The following DOCK3 variants were observed in gnomAD, a reference collection of about 807,000 sequenced individuals.
DOCK3 encodes dedicator of cytokinesis protein 3.
In DOCK3, 60 loss-of-function variants were observed where a neutral mutation model predicts 265.6. The ratio of observed to expected loss-of-function variants is 0.23; its 90% CI spans 0.18 to 0.28. DOCK3 has a LOEUF of 0.28. Among genes scored for constraint, DOCK3 ranks in the 10% least tolerant of loss-of-function variants. DOCK3 has a pLI of 1.00. For missense variants in DOCK3, 1,981 were observed against 2,594.3 expected (o/e 0.76, Z 5.14); for synonymous variants, 881 against 938.0 (o/e 0.94, Z 1.11).
intron 5 of DOCK3, among the ~76,000 whole-genome samples, chr3:51,018,501 C>T (rs1277786342): frequency 5.3e-5 from 8 of 149,914 alleles, no homozygotes; most frequent in Non-Finnish European, 1.2e-4. Flanking sequence ...AGCTAACTGG[C>T]CATTTGGGTA....
intron 12 of DOCK3, among the ~76,000 whole-genome samples, chr3:51,182,143 A>C (rs566273921): frequency 2.6e-5 from 4 of 152,296 alleles, no homozygotes; most frequent in African/African-American, 9.6e-5. Flanking sequence ...TAGCATAGTT[A>C]AAGGTACAGA....
chr3:50,967,065 T>C (rs1219656723), intron 5 of DOCK3, among the ~76,000 whole-genome samples: 3 of 152,184 alleles, frequency 2.0e-5, no homozygotes, highest in Non-Finnish European at 4.4e-5. Flanking sequence ...CTTCTAGCTA[T>C]TTTGAAATAT....
chr3:50,908,630 C>T (rs1256834351), intron 4 of DOCK3, among the ~76,000 whole-genome samples: 3 of 152,066 alleles, frequency 2.0e-5, no homozygotes, highest in Non-Finnish European at 4.4e-5. Flanking sequence ...GTGTGTTTTA[C>T]TTCTGATTAT....
intron 9 of DOCK3, among the ~76,000 whole-genome samples, chr3:51,145,882 TA>T (rs1485294497): frequency 6.6e-6 from 1 of 152,174 alleles, no homozygotes; most frequent in African/African-American, 2.4e-5. Flanking sequence ...CATCAGGCAT[TA>T]GTTAAATTCT....
chr3:51,320,485 T>TC (rs2083641988), intron 32 of DOCK3, among the ~76,000 whole-genome samples: 1 of 151,004 alleles, frequency 6.6e-6, no homozygotes, highest in African/African-American at 2.4e-5. Flanking sequence ...AACCCTTCAC[T>TC]CCCCTGGAAA....
intron 23 of DOCK3, among the ~76,000 whole-genome samples, 170 bp from the exon 24 acceptor site, chr3:51,270,645 T>C (rs532914191): frequency 2.0e-5 from 3 of 152,340 alleles, no homozygotes; most frequent in African/African-American, 7.2e-5. Flanking sequence ...TTTTTGGTTT[T>C]TCTTGCTCCA....
intron 4 of DOCK3, among the ~76,000 whole-genome samples, chr3:50,920,152 G>T (rs1458243565): frequency 2.0e-5 from 3 of 152,194 alleles, no homozygotes; most frequent in African/African-American, 7.2e-5. Context: ...CGGTTTGCCA[G>T]TATTTTATTG....
At chr3:50,880,177 C>A (rs1393444534) in intron 3 of DOCK3, among the ~76,000 whole-genome samples, 2 of 152,134 alleles carry the variant, frequency 1.3e-5, no homozygotes, top group African/African-American at 4.8e-5. Context: ...CAAGAGAAAG[C>A]AGGAAAGTTC....
intron 1 of DOCK3, among the ~76,000 whole-genome samples, chr3:50,774,794 C>G (rs1295612009): frequency 6.6e-6 from 1 of 151,796 alleles, no homozygotes; most frequent in African/African-American, 2.4e-5. Flanking sequence ...TGTATATCAC[C>G]AGTGTGTGTG....
intron 9 of DOCK3, among the ~76,000 whole-genome samples, chr3:51,094,009 G>C (rs1321073944): frequency 6.6e-6 from 1 of 152,144 alleles, no homozygotes; most frequent in South Asian, 2.1e-4. Flanking sequence ...TGCCTCCCAG[G>C]GATGAAGCCA....
At position 51,277,679 on chromosome 3, in the gene DOCK3, C is replaced by T; in HGVS notation, c.2748C>T (p.Leu916=). 1 of 1,608,902 alleles carries T rather than the reference C, an allele frequency of 6.2e-7. No individual in the cohort carries two copies. The highest frequency in any genetic ancestry group is 8.5e-7 in the Non-Finnish European group (1 of 1,177,912). ...SLLDVLLQTL[L]TIMSKSHAQE... ...TGGACGTGCTCTTGCAGACTCTGCT[C>T]ACCATCATGAGCAAATCGCACGCTC... Residue 916 remains leucine (L), a synonymous_variant, in exon 26 of 53, where the codon CTC becomes CTT. Transcript: ENST00000266037.
chr3:50,906,507 T>C (rs1190269166), intron 4 of DOCK3, among the ~76,000 whole-genome samples: 1 of 151,934 alleles, frequency 6.6e-6, no homozygotes, highest in East Asian at 1.9e-4. Flanking sequence ...TGTGTGTGTC[T>C]AGGAATTTAT....
In DOCK3 at chr3:50,972,171, G is replaced by A. The variant is rs893964075; in HGVS notation, c.315+38094G>A. On this transcript the variant is annotated intron_variant, in intron 5 of 52. Transcript: ENST00000266037. The stretch of plus-strand genomic sequence containing the variant: ...TGTGGTTGTCCTGCTCTTCACTGCA[G>A]GTATGCTGCTACTGGGAGGGGCCCT... Among the ~76,000 whole-genome samples the A allele has an allele frequency of 2.6e-5, 4 of 152,232 alleles. No individual in the cohort carries two copies. In the East Asian group the frequency reaches 7.7e-4, roughly 29 times the overall value.
At chr3:51,304,226 C>T (rs533420613) in intron 27 of DOCK3, among the ~76,000 whole-genome samples, 1 of 152,216 alleles carries the variant, frequency 6.6e-6, no homozygotes, top group South Asian at 2.1e-4. Context: ...CAGTTTGGAT[C>T]CAAACCGTCC....
At chr3:51,135,593 A>G (rs1015732396) in intron 9 of DOCK3, among the ~76,000 whole-genome samples, 1 of 152,188 alleles carries the variant, frequency 6.6e-6, no homozygotes, top group South Asian at 2.1e-4. Context: ...GGATATTTCC[A>G]TTTTAAGTAA....
At chr3:50,782,291 T>TTTA (rs889689185) in intron 2 of DOCK3, among the ~76,000 whole-genome samples, 10 of 133,704 alleles carry the variant, frequency 7.5e-5, no homozygotes, top group South Asian at 2.5e-4. Context: ...TACCTGTTAT[T>TTTA]TTTTTTTTTT....
At chr3:50,754,454 A>G (rs2040030414) in intron 1 of DOCK3, among the ~76,000 whole-genome samples, 1 of 152,178 alleles carries the variant, frequency 6.6e-6, no homozygotes, top group African/African-American at 2.4e-5. Context: ...TAAATAAGAA[A>G]ACTTTTTAAT....
intron 27 of DOCK3, among the ~76,000 whole-genome samples, chr3:51,291,940 A>G (rs1194018954): frequency 1.3e-5 from 2 of 152,252 alleles, no homozygotes; most frequent in Middle Eastern, 3.2e-3. Flanking sequence ...AGGTTGGTTC[A>G]ACATACTCAG....
intron 3 of DOCK3, among the ~76,000 whole-genome samples, chr3:50,888,292 C>A (rs200852847): frequency 9.9e-5 from 15 of 152,144 alleles, no homozygotes; most frequent in Admixed American, 5.9e-4. Context: ...ACCTAGGAAT[C>A]CAACTTACAA....
Sources: allele counts gnomAD v4.1 joint callset (sites outside exome capture counted in the v4.1 genomes callset), GRCh38; gene constraint gnomAD v4.1.1; transcripts MANE v1.5; gene names NCBI Gene and HGNC (gene_info 2026-07-23, HGNC 2026-07-21).